SYTL2: variants seen among roughly 807,000 people sequenced by gnomAD.
SYTL2 encodes the protein synaptotagmin like 2.
SYTL2 carries 165 observed loss-of-function variants against 198.7 expected under a neutral mutation model. The observed-to-expected ratio is 0.83, with a 90% confidence interval of 0.73 to 0.94. SYTL2 has a LOEUF of 0.94. SYTL2 is among the 40% of genes least tolerant of loss of function. SYTL2 has a pLI of 0.00. For synonymous variants in SYTL2, 966 were observed against 917.7 expected (o/e 1.05, Z -0.95); for missense variants, 2,835 against 2,582.8 (o/e 1.10, Z -2.12).
chr11:85,825,914 T>C, the SYTL2 span, among the ~76,000 whole-genome samples: 1 of 152,244 alleles, frequency 6.6e-6, no homozygotes, highest in African/African-American at 2.4e-5. Context: ...TGTTAGATTG[T>C]AAGCTCCTTG....
At chr11:85,776,210 T>C (rs956848806) in intron 1 of SYTL2, among the ~76,000 whole-genome samples, 7 of 152,190 alleles carry the variant, frequency 4.6e-5, no homozygotes, top group African/African-American at 1.4e-4. Flanking sequence ...TCACCAGATA[T>C]AGATGCCCAA....
intron 1 of SYTL2, among the ~76,000 whole-genome samples, chr11:85,776,901 G>T (rs1004397363): frequency 2.6e-5 from 4 of 152,174 alleles, no homozygotes; most frequent in Non-Finnish European, 5.9e-5. Context: ...AGACAATGGG[G>T]TGTATTTAAG....
In SYTL2 at chr11:85,720,874, A is replaced by C; in HGVS notation, c.5412T>G (p.Ile1804Met). The stretch of plus-strand genomic sequence containing the variant: ...TATTCTCACTTGATGAATCTGATGA[A>C]ATGTCTTCTAGACTTTTGGAAGGCA... ...RKMPSKSLED[I>M]SSDSSNQAKV... The change falls in exon 9 of 20, where the codon ATT becomes ATG. Residue 1804 changes from isoleucine (I) to methionine (M), a missense_variant. Around this residue, in one of 3 missense-constraint regions of SYTL2, gnomAD observed 2,645 missense variants for 2,381.7 expected, o/e 1.11. Coordinates refer to ENST00000359152, the MANE Select transcript of SYTL2 (RefSeq NM_206927.4). 1 of 1,612,552 alleles carries C rather than the reference A, an allele frequency of 6.2e-7. No homozygotes were observed. The highest frequency in any genetic ancestry group is 8.5e-7 in the Non-Finnish European group (1 of 1,178,582).
chr11:85,825,387 C>CAA, the SYTL2 span, among the ~76,000 whole-genome samples: 872 of 118,274 alleles, frequency 7.4e-3, 12 homozygotes, highest in Admixed American at 0.027. Context: ...GACTCCGTCT[C>CAA]AAAAAAAAAA....
Position 85,714,418 on chromosome 11 carries a change from C to T in SYTL2, c.5620G>A (p.Asp1874Asn). The T allele has an allele frequency of 6.2e-7, 1 of 1,612,438 alleles. No homozygotes were observed. The highest frequency in any genetic ancestry group is 8.5e-7 in the Non-Finnish European group (1 of 1,178,586). Residue 1874 changes from aspartate (D) to asparagine (N), a missense_variant, in exon 12 of 20, where the codon GAT (aspartate) becomes AAT (asparagine). Coordinates refer to ENST00000359152, the MANE Select transcript of SYTL2 (RefSeq NM_206927.4). ...MSKSVPAFLQ[D>N]ESDDRETDTA... ...GGTACAAAAGACAAACTTGCCTCAT[C>T]TTGGAGAAATGCTGGAACAGACTTG...
At chr11:85,719,116 C>T in intron 9 of SYTL2, 2 of 1,462,444 alleles carry the variant, frequency 1.4e-6, no homozygotes, top group Non-Finnish European at 9.1e-7. Context: ...AGCAAGCAAT[C>T]GGCCAGCAGC....
chr11:85,742,674 T>C (rs1451943245), intron 4 of SYTL2, among the ~76,000 whole-genome samples: 1 of 152,242 alleles, frequency 6.6e-6, no homozygotes, highest in Non-Finnish European at 1.5e-5. Context: ...TTTATTTTTC[T>C]AGTATTTATT....
At chr11:85,827,424 A>G in the SYTL2 span, among the ~76,000 whole-genome samples, 2 of 152,170 alleles carry the variant, frequency 1.3e-5, no homozygotes, top group Non-Finnish European at 2.9e-5. Flanking sequence ...CCTGTACTTT[A>G]TCTATTGTGG....
the SYTL2 span, among the ~76,000 whole-genome samples, chr11:85,819,000 G>A: frequency 2.6e-5 from 4 of 152,086 alleles, no homozygotes; most frequent in African/African-American, 7.2e-5. Flanking sequence ...AAAATAAGAA[G>A]TCAGGCTGCA....
chr11:85,841,002 A>G, the SYTL2 span, among the ~76,000 whole-genome samples: 1 of 152,150 alleles, frequency 6.6e-6, no homozygotes, highest in Non-Finnish European at 1.5e-5. Context: ...GCAAAAAACA[A>G]CTCCATTAGA....
intron 1 of SYTL2, among the ~76,000 whole-genome samples, chr11:85,808,477 C>T (rs1200061980): frequency 6.6e-6 from 1 of 152,000 alleles, no homozygotes; most frequent in Non-Finnish European, 1.5e-5. Flanking sequence ...ATTCTTCATT[C>T]TGAAAAATGG....
chr11:85,828,896 C>T, the SYTL2 span, among the ~76,000 whole-genome samples: 4 of 152,192 alleles, frequency 2.6e-5, no homozygotes, highest in Non-Finnish European at 5.9e-5. Context: ...CCTGCTGTCT[C>T]AGATCATATT....
chr11:85,711,276 G>C (rs142034348), intron 12 of SYTL2, 44 bp from the exon 13 acceptor site: 1 of 1,596,614 alleles, frequency 6.3e-7, no homozygotes, highest in Non-Finnish European at 8.5e-7. Context: ...AATTCAGAAT[G>C]AGTCAAGATC....
the SYTL2 span, among the ~76,000 whole-genome samples, chr11:85,844,793 T>C: frequency 6.6e-6 from 1 of 152,142 alleles, no homozygotes; most frequent in Non-Finnish European, 1.5e-5. Context: ...CTGTCCTGCC[T>C]GTTCCCAGCC....
intron 3 of SYTL2, among the ~76,000 whole-genome samples, chr11:85,746,105 G>A (rs546310820): frequency 6.6e-6 from 1 of 152,268 alleles, no homozygotes; most frequent in South Asian, 2.1e-4. Context: ...GCATGGCCAG[G>A]GGATGCTCAG....
chr11:85,731,255 A>G (rs892785398), intron 7 of SYTL2, among the ~76,000 whole-genome samples: 4 of 152,206 alleles, frequency 2.6e-5, no homozygotes, highest in African/African-American at 9.6e-5. Context: ...TGTGGAACCA[A>G]AAAAGAGGTT....
chr11:85,718,390 G>A (rs1374385434), intron 10 of SYTL2: 1 of 186,922 alleles, frequency 5.3e-6, no homozygotes, highest in Non-Finnish European at 1.1e-5. Flanking sequence ...TACCAGTTGT[G>A]CCCAGAGAGA....
At chr11:85,761,100 G>A (rs978245190) in intron 1 of SYTL2, among the ~76,000 whole-genome samples, 1 of 152,000 alleles carries the variant, frequency 6.6e-6, no homozygotes, top group African/African-American at 2.4e-5. Flanking sequence ...AAGGGAACAA[G>A]ACAGAAAAAC....
chr11:85,850,005 C>A, the SYTL2 span, among the ~76,000 whole-genome samples: 10 of 146,638 alleles, frequency 6.8e-5, no homozygotes, highest in African/African-American at 2.0e-4. Context: ...TCCTTCACAT[C>A]CCTTGTAAGT....
Sources: gnomAD v4.1 joint callset for allele counts (sites outside exome capture counted in the v4.1 genomes callset) on GRCh38, gnomAD v4.1.1 for gene constraint, gnomAD v4.1.1 regional missense constraint, MANE v1.5 for transcripts, NCBI Gene and HGNC (gene_info 2026-07-23, HGNC 2026-07-21) for gene names.